GPATCH8: variants seen among roughly 807,000 people sequenced by gnomAD.
GPATCH8 encodes G-patch domain containing 8.
GPATCH8 carries 18 observed loss-of-function variants against 118.3 expected under a neutral mutation model. That is an observed-to-expected ratio of 0.15 (90% CI 0.11 to 0.23). GPATCH8 has a LOEUF of 0.23. Ranked by LOEUF, GPATCH8 falls within the 10% of genes least tolerant of loss-of-function variation. The probability of loss-of-function intolerance (pLI) is 1.00; values close to 1 mark genes in which losing one functional copy is unlikely to be tolerated. For synonymous variants in GPATCH8, 659 were observed against 684.7 expected, an observed-to-expected ratio of 0.96 and a Z score of 0.59; for missense variants, 1,631 against 1,873.8, an observed-to-expected ratio of 0.87 and a Z score of 2.39.
intron 4 of GPATCH8, 82 bp from the exon 5 acceptor site, chr17:44,435,233 A>G (rs1166560092): frequency 1.3e-6 from 1 of 751,590 alleles, no homozygotes; most frequent in African/African-American, 1.7e-5. Context: ...GCACAACTAC[A>G]GTATTATCTG....
intron 6 of GPATCH8, among the ~76,000 whole-genome samples, chr17:44,407,565 T>C (rs2143720153): frequency 6.6e-6 from 1 of 152,232 alleles, no homozygotes; most frequent in Middle Eastern, 3.4e-3. Flanking sequence ...ACCATTATGG[T>C]ATTAAAAAGC....
At chr17:44,453,465 T>C (rs1555636749) in intron 3 of GPATCH8, among the ~76,000 whole-genome samples, 1 of 132,638 alleles carries the variant, frequency 7.5e-6, no homozygotes. Context: ...ATTTCCCATT[T>C]CTCCCTTCTA....
At chr17:44,460,938 T>C (rs2051520679) in intron 3 of GPATCH8, among the ~76,000 whole-genome samples, 1 of 152,218 alleles carries the variant, frequency 6.6e-6, no homozygotes, top group African/African-American at 2.4e-5. Context: ...GCACAATGCC[T>C]GCATGTACAC....
chr17:44,421,244 G>A (rs571364213), intron 6 of GPATCH8, among the ~76,000 whole-genome samples: 3 of 152,026 alleles, frequency 2.0e-5, no homozygotes, highest in Non-Finnish European at 4.4e-5. Context: ...TGGGGGCTGA[G>A]GCAGGAGAAT....
At chr17:44,440,124 G>GTTTTTTTTTTTTTTTT (rs2050640130) in intron 3 of GPATCH8, among the ~76,000 whole-genome samples, 1 of 151,926 alleles carries the variant, frequency 6.6e-6, no homozygotes, top group South Asian at 2.1e-4. Flanking sequence ...CTACTTCTTG[G>GTTTTTTTTTTTTTTTT]TTTCTTTTAA....
chr17:44,455,500 CAA>C (rs886066301), intron 3 of GPATCH8, among the ~76,000 whole-genome samples: 1 of 134,792 alleles, frequency 7.4e-6, no homozygotes, highest in Non-Finnish European at 1.6e-5. Context: ...AACTCTATCT[CAA>C]AAAAAAAAAA....
chr17:44,414,943 T>C (rs1420000220), intron 6 of GPATCH8, among the ~76,000 whole-genome samples: 3 of 152,242 alleles, frequency 2.0e-5, no homozygotes, highest in African/African-American at 7.2e-5. Context: ...AATATTCCAT[T>C]GTACAGATGT....
At chr17:44,457,396 G>A (rs998638583) in intron 3 of GPATCH8, among the ~76,000 whole-genome samples, 1 of 152,174 alleles carries the variant, frequency 6.6e-6, no homozygotes, top group Non-Finnish European at 1.5e-5. Flanking sequence ...ATTTTATAAA[G>A]TAAAATTTTT....
chr17:44,474,284 C>T (rs1967551244), intron 2 of GPATCH8: 1 of 162,590 alleles, frequency 6.2e-6, no homozygotes. Flanking sequence ...CAAAACTAAG[C>T]AGTGTGAAAA....
At chr17:44,489,040 CAG>C (rs1294677451) in intron 1 of GPATCH8, among the ~76,000 whole-genome samples, 1 of 151,658 alleles carries the variant, frequency 6.6e-6, no homozygotes, top group East Asian at 2.0e-4. Context: ...GTCTGAGGGA[CAG>C]AGTGAGACTC....
chr17:44,432,764 A>G (rs1422493646), intron 5 of GPATCH8, among the ~76,000 whole-genome samples: 1 of 152,206 alleles, frequency 6.6e-6, no homozygotes, highest in Non-Finnish European at 1.5e-5. Flanking sequence ...AGGAAAAAAG[A>G]CCATGGTCAG....
chr17:44,461,336 C>T (rs2051539726), intron 3 of GPATCH8, among the ~76,000 whole-genome samples: 1 of 151,742 alleles, frequency 6.6e-6, no homozygotes, highest in South Asian at 2.1e-4. Context: ...TGTGTGCCAC[C>T]AAGTCCAGCC....
intron 2 of GPATCH8, chr17:44,465,097 A>AATAATAAT (rs912233737): frequency 6.7e-6 from 1 of 150,312 alleles, no homozygotes; most frequent in Non-Finnish European, 1.5e-5. Flanking sequence ...TTAAAAAAAT[A>AATAATAAT]ATATATATAA....
chr17:44,396,395 G>A lies in GPATCH8; in HGVS notation c.*1173C>T, dbSNP rs1288580931. 2 of 454,422 alleles carry A rather than the reference G, an allele frequency of 4.4e-6. No homozygotes were observed. The highest frequency in any genetic ancestry group is 8.8e-6 in the Non-Finnish European group (2 of 226,792). The allele number at this position is 454,422 out of a possible 1,614,324, so 28.1% of individuals were successfully genotyped here. ...ATCCCTCAGAAGCCCCCAGCTGACT[G>A]CTGCCCATTAGCTCAAAAATCCCAA... On this transcript the variant is annotated 3_prime_UTR_variant, in exon 8 of 8. Coordinates refer to ENST00000591680, the MANE Select transcript of GPATCH8 (RefSeq NM_001002909.4).
intron 5 of GPATCH8, among the ~76,000 whole-genome samples, chr17:44,426,561 G>A (rs1036439653): frequency 3.0e-5 from 4 of 132,814 alleles, no homozygotes; most frequent in Admixed American, 9.3e-5. Flanking sequence ...CCAAGATTGC[G>A]CCACTGCACT....
At chr17:44,495,696 T>C (rs888241293) in intron 1 of GPATCH8, among the ~76,000 whole-genome samples, 1 of 152,224 alleles carries the variant, frequency 6.6e-6, no homozygotes, top group Non-Finnish European at 1.5e-5. Flanking sequence ...CCCCTTGTTA[T>C]TGCTCGCACA....
At chr17:44,490,068 C>T (rs1183581414) in intron 1 of GPATCH8, among the ~76,000 whole-genome samples, 1 of 152,058 alleles carries the variant, frequency 6.6e-6, no homozygotes, top group Non-Finnish European at 1.5e-5. Context: ...TTTGGGAAGC[C>T]AAGTGGATCT....
chr17:44,427,379 T>G (rs1211814508), intron 5 of GPATCH8, among the ~76,000 whole-genome samples: 2 of 151,950 alleles, frequency 1.3e-5, no homozygotes, highest in Non-Finnish European at 2.9e-5. Context: ...CAACCACTTT[T>G]AAGTAAGTTA....
chr17:44,430,497 A>G (rs2050266949), intron 5 of GPATCH8, among the ~76,000 whole-genome samples: 1 of 152,220 alleles, frequency 6.6e-6, no homozygotes, highest in Admixed American at 6.5e-5. Context: ...CTTTCATGGT[A>G]AAAACACTAA....
Sources: gnomAD v4.1 joint callset for allele counts (sites outside exome capture counted in the v4.1 genomes callset) on GRCh38, gnomAD v4.1.1 for gene constraint, MANE v1.5 for transcripts, NCBI Gene and HGNC (gene_info 2026-07-23, HGNC 2026-07-21) for gene names.